The following PPP1R13B variants were observed in gnomAD, a reference collection of about 807,000 sequenced individuals.
The protein encoded by PPP1R13B is apoptosis-stimulating of p53 protein 1.
A neutral mutation model predicts 119.8 loss-of-function variants in PPP1R13B; 44 were observed. The ratio of observed to expected loss-of-function variants is 0.37; its 90% confidence interval spans 0.29 to 0.47. The LOEUF is 0.47. Among genes scored for constraint, PPP1R13B ranks in the 20% least tolerant of loss-of-function variants. The pLI is 0.99. For synonymous variants in PPP1R13B, 542 were observed against 561.5 expected (o/e 0.97, Z 0.49); for missense variants, 1,227 against 1,413.5 (o/e 0.87, Z 2.12).
rs2084012076 is a variant in PPP1R13B, at chr14:103,733,720, C to T, written c.*1434G>A. On this transcript the variant is annotated 3_prime_UTR_variant, in exon 17 of 17. Coordinates refer to ENST00000202556, the MANE Select transcript of PPP1R13B (RefSeq NM_015316.3). The stretch of plus-strand genomic sequence containing the variant: ...TCACCTGAACCCTCGTGCCACAGCG[C>T]AGTCTGGGTCCAGAAAGAAGACTCA... 6.6e-6 allele frequency: 1 copy of T among 152,500 alleles called. No individual in the cohort carries two copies. Among genetic ancestry groups the T allele is most frequent in the Non-Finnish European group, 1.5e-5 (1 of 68,102 alleles). 9.4% of individuals were successfully genotyped at this position (152,500 alleles called of 1,614,324 possible).
intron 9 of PPP1R13B, among the ~76,000 whole-genome samples, chr14:103,743,203 C>T (rs1015823007): frequency 6.6e-6 from 1 of 152,258 alleles, no homozygotes; most frequent in African/African-American, 2.4e-5. Flanking sequence ...TTTTGAAACA[C>T]TATTTATGAA....
upstream of PPP1R13B, among the ~76,000 whole-genome samples, chr14:103,848,088 A>G (rs2152095286): frequency 6.6e-6 from 1 of 151,772 alleles, no homozygotes; most frequent in South Asian, 2.1e-4. Context: ...CGAGCATGTG[A>G]CCCGAGGCCG....
At chr14:103,811,242 A>G (rs2086149321) in intron 1 of PPP1R13B, among the ~76,000 whole-genome samples, 1 of 152,178 alleles carries the variant, frequency 6.6e-6, no homozygotes, top group African/African-American at 2.4e-5. Flanking sequence ...TGGGCTCTAA[A>G]ATCAATTAGT....
At chr14:103,773,714 T>C (rs1015194418) in intron 4 of PPP1R13B, among the ~76,000 whole-genome samples, 2 of 152,172 alleles carry the variant, frequency 1.3e-5, no homozygotes, top group African/African-American at 2.4e-5. Context: ...GACAACACCA[T>C]GTACCTCTGG....
chr14:103,801,057 T>A (rs1252485235), intron 1 of PPP1R13B, among the ~76,000 whole-genome samples: 1 of 152,130 alleles, frequency 6.6e-6, no homozygotes, highest in Non-Finnish European at 1.5e-5. Flanking sequence ...TCCACATTGA[T>A]CAGGCTGCTC....
chr14:103,773,536 C>G (rs568957727), intron 4 of PPP1R13B, among the ~76,000 whole-genome samples: 1 of 152,242 alleles, frequency 6.6e-6, no homozygotes, highest in Non-Finnish European at 1.5e-5. Context: ...TATAAAACCA[C>G]AAAAGCGGGA....
intron 1 of PPP1R13B, among the ~76,000 whole-genome samples, chr14:103,840,573 G>C (rs1332258731): frequency 6.6e-6 from 1 of 151,846 alleles, no homozygotes. Context: ...CAGATCATTT[G>C]AGGTCAGGAG....
At position 103,740,828 on chromosome 14, in the gene PPP1R13B, G is replaced by C. The variant is rs1740290185; in HGVS notation, c.1823-235C>G. ...GTCGGTTTTTACATTTGGGTTTCCA[G>C]AACTGGAGCTTTTTCAAAAGAAAAA... On this transcript the variant is annotated intron_variant, in intron 11 of 16. Transcript: ENST00000202556. This position sits in a 1 kb window ranked among gnomAD's most constrained non-coding sequence, Gnocchi z 4.6. Among the ~76,000 whole-genome samples, 1 of 152,212 alleles carries C rather than the reference G, an allele frequency of 6.6e-6. No homozygotes were observed. The highest frequency in any genetic ancestry group is 2.4e-5 in the African/African-American group (1 of 41,450).
At chr14:103,819,508 C>A (rs8020430) in intron 1 of PPP1R13B, among the ~76,000 whole-genome samples, 78,598 of 143,514 alleles carry the variant, frequency 0.55, 22,641 homozygotes, top group African/African-American at 0.77. Flanking sequence ...TTAAAAAAAA[C>A]AAACAAACAA....
In PPP1R13B at chr14:103,843,714, G is replaced by A. The variant is rs113202630; in HGVS notation, c.9+3585C>T. ...ATACGCCTGTTATCCCAGCACGTTGGGAGGCTGAGGCAGGCAGATCACAAG... is the reference window on the plus strand; with the variant it reads ...ATACGCCTGTTATCCCAGCACGTTGAGAGGCTGAGGCAGGCAGATCACAAG... On this transcript the variant is annotated intron_variant, in intron 1 of 16. Transcript: ENST00000202556. 9.4e-3 allele frequency among the ~76,000 whole-genome samples: 1,426 copies of A among 152,326 alleles called. 27 individuals are homozygous for A. The highest frequency in any genetic ancestry group is 0.032 in the African/African-American group (1,324 of 41,578).
chr14:103,755,958 ACAGT>A (rs1396139915), intron 5 of PPP1R13B, among the ~76,000 whole-genome samples: 1 of 152,262 alleles, frequency 6.6e-6, no homozygotes, highest in African/African-American at 2.4e-5. Context: ...TGAAGTATAT[ACAGT>A]CATTCAATAA....
intron 2 of PPP1R13B, among the ~76,000 whole-genome samples, chr14:103,795,991 T>C (rs2085748379): frequency 6.6e-6 from 1 of 152,174 alleles, no homozygotes; most frequent in African/African-American, 2.4e-5. Flanking sequence ...AAATAACCCA[T>C]TTTTAAAATG....
intron 16 of PPP1R13B, among the ~76,000 whole-genome samples, chr14:103,735,555 G>A (rs1479716742): frequency 6.6e-6 from 1 of 152,178 alleles, no homozygotes; most frequent in Non-Finnish European, 1.5e-5. Flanking sequence ...GCTCTGCAGG[G>A]CACAAAGAGA....
chr14:103,823,961 A>T (rs1321235846), intron 1 of PPP1R13B, among the ~76,000 whole-genome samples: 1 of 151,702 alleles, frequency 6.6e-6, no homozygotes, highest in Non-Finnish European at 1.5e-5. Context: ...CCTTTTTCAC[A>T]ATGAGGCCAC....
intron 4 of PPP1R13B, among the ~76,000 whole-genome samples, chr14:103,759,626 G>A (rs1446039139): frequency 6.6e-6 from 1 of 151,628 alleles, no homozygotes; most frequent in Non-Finnish European, 1.5e-5. Flanking sequence ...TTTGACTAGA[G>A]TAAAACTATG....
intron 8 of PPP1R13B, 141 bp from the exon 9 acceptor site, chr14:103,746,694 G>C: frequency 1.5e-6 from 1 of 654,632 alleles, no homozygotes; most frequent in Non-Finnish European, 2.4e-6. Context: ...GGAAAGATCA[G>C]CATCTAGAAG....
intron 4 of PPP1R13B, among the ~76,000 whole-genome samples, chr14:103,765,069 C>T (rs1244336989): frequency 6.6e-6 from 1 of 152,354 alleles, no homozygotes; most frequent in African/African-American, 2.4e-5. Context: ...CCGCCCGCCT[C>T]GGCCTCCCAG....
chr14:103,739,322 C>T (rs967194736), intron 12 of PPP1R13B: 1 of 382,108 alleles, frequency 2.6e-6, no homozygotes, highest in Admixed American at 4.0e-5. Context: ...GGGAGGGTGG[C>T]GTGTGACTGC....
At chr14:103,760,261 T>C (rs1353922246) in intron 4 of PPP1R13B, among the ~76,000 whole-genome samples, 2 of 152,360 alleles carry the variant, frequency 1.3e-5, no homozygotes, top group Non-Finnish European at 1.5e-5. Flanking sequence ...AATAGGCCTA[T>C]CACTGTATTA....
Sources: allele counts gnomAD v4.1 joint callset (sites outside exome capture counted in the v4.1 genomes callset), GRCh38; gene constraint gnomAD v4.1.1; non-coding constraint Gnocchi (gnomAD v3.1); transcripts MANE v1.5; gene names NCBI Gene and HGNC (gene_info 2026-07-23, HGNC 2026-07-21).